Variants in TRAT1 observed in about 807,000 individuals in gnomAD.
The protein encoded by TRAT1 is T cell receptor associated transmembrane adaptor 1, also known as T-cell receptor-associated transmembrane adapter 1.
Under a neutral mutation model 20.0 loss-of-function variants are expected in TRAT1, and 20 were observed. That is an observed-to-expected ratio of 1.00 (90% CI 0.70 to 1.45). TRAT1 has a LOEUF of 1.45. Among genes scored for constraint, TRAT1 ranks in the 40% most tolerant of loss-of-function variants. The pLI, the probability that TRAT1 is intolerant of heterozygous loss-of-function variation, is 0.00. For missense variants in TRAT1, 237 were observed against 224.1 expected (o/e 1.06, Z -0.37); for synonymous variants, 77 against 74.2 (o/e 1.04, Z -0.20).
chr3:108,827,182 A>G (rs971382010), intron 1 of TRAT1, among the ~76,000 whole-genome samples: 1 of 152,126 alleles, frequency 6.6e-6, no homozygotes, highest in Non-Finnish European at 1.5e-5. Context: ...AAATTGATCA[A>G]AGCTATATAA....
At chr3:108,838,989 G>T in intron 3 of TRAT1, 22 bp downstream of exon 3, 1 of 1,577,592 alleles carries the variant, frequency 6.3e-7, no homozygotes, top group South Asian at 1.1e-5. Flanking sequence ...TTCAGTCATG[G>T]ATCATGATTC....
rs115925622 is a variant in TRAT1, at chr3:108,845,774, G to A, written c.153-1294G>A. On this transcript the variant is annotated intron_variant, in intron 3 of 5. Coordinates refer to ENST00000295756, the MANE Select transcript of TRAT1 (RefSeq NM_016388.4). ...ATGTAATCTCAAAGTTAAAGCAGTC[G>A]GTACTATTTTATGAAATGCGACTCT... 9.2e-3 allele frequency among the ~76,000 whole-genome samples: 1,398 copies of A among 151,674 alleles called. 24 individuals are homozygous for A. The highest frequency in any genetic ancestry group is 0.031 in the African/African-American group (1,294 of 41,326).
At chr3:108,839,851 T>A (rs939442648) in intron 3 of TRAT1, among the ~76,000 whole-genome samples, 131 of 152,018 alleles carry the variant, frequency 8.6e-4, no homozygotes, top group African/African-American at 1.4e-3. Flanking sequence ...TACATTTTTT[T>A]AAAAAAAATA....
At position 108,833,580 on chromosome 3, in the gene TRAT1, C is replaced by T. The variant is rs182842086; in HGVS notation, c.118+2800C>T. 4.5e-3 allele frequency among the ~76,000 whole-genome samples: 692 copies of T among 152,202 alleles called. 25 individuals carry two copies. Among genetic ancestry groups the T allele is most frequent in the Admixed American group, 0.042 (637 of 15,274 alleles). On this transcript the variant is annotated intron_variant, in intron 2 of 5. Coordinates refer to ENST00000295756, the MANE Select transcript of TRAT1 (RefSeq NM_016388.4). ...AGAACATTTTTAAGAAAACAGTGAA[C>T]AATAAATTGCATTTATTGATGTATT...
At chr3:108,839,246 A>C in intron 3 of TRAT1, 1 of 412,484 alleles carries the variant, frequency 2.4e-6, no homozygotes, top group Non-Finnish European at 4.3e-6. Context: ...TCAGAGGTAG[A>C]TAGCCTAGAT....
intron 1 of TRAT1, among the ~76,000 whole-genome samples, chr3:108,824,255 TC>T (rs1945717639): frequency 6.6e-6 from 1 of 152,220 alleles, no homozygotes; most frequent in Non-Finnish European, 1.5e-5. Context: ...GGTTATTTTT[TC>T]AGAAAACTTT....
At chr3:108,823,132 G>T (rs965125369) in intron 1 of TRAT1, among the ~76,000 whole-genome samples, 198 bp downstream of exon 1, 14 of 152,130 alleles carry the variant, frequency 9.2e-5, no homozygotes, top group African/African-American at 3.4e-4. Flanking sequence ...GAAAAATGTG[G>T]ACAGCATTTT....
intron 3 of TRAT1, 190 bp downstream of exon 3, chr3:108,839,157 C>T (rs1019483393): frequency 1.8e-5 from 10 of 550,340 alleles, no homozygotes; most frequent in Admixed American, 3.5e-5. Context: ...TAGTTATTTG[C>T]ACACTGTGAG....
rs1295097487 is a variant in TRAT1 at position 108,853,933 on chromosome 3, A to G, written c.*56A>G. The G allele has an allele frequency of 3.2e-6, 5 of 1,554,994 alleles. No individual in the cohort carries two copies. In the African/African-American group the frequency reaches 6.8e-5, roughly 21 times the overall value. ...TCCTATTGAAGATGGCTTCTAAGAA[A>G]ACAAGATGCACAGAGGACACAGAAG... On this transcript the variant is annotated 3_prime_UTR_variant, in exon 6 of 6. Coordinates refer to ENST00000295756, the MANE Select transcript of TRAT1 (RefSeq NM_016388.4).
chr3:108,839,596 A>C (rs2107511627), intron 3 of TRAT1, among the ~76,000 whole-genome samples: 1 of 152,034 alleles, frequency 6.6e-6, no homozygotes, highest in East Asian at 1.9e-4. Flanking sequence ...CAGTGAGCCA[A>C]GATGGCACCA....
chr3:108,835,805 T>TC (rs1338322091), intron 2 of TRAT1, among the ~76,000 whole-genome samples: 3 of 152,174 alleles, frequency 2.0e-5, no homozygotes. Context: ...ATTTCCTTTT[T>TC]CCCACACAGT....
chr3:108,833,131 C>T (rs1396935120), intron 2 of TRAT1, among the ~76,000 whole-genome samples: 1 of 152,010 alleles, frequency 6.6e-6, no homozygotes, highest in Non-Finnish European at 1.5e-5. Flanking sequence ...TAAAAAGCAT[C>T]GTGTTTGGTA....
At chr3:108,848,195 C>A (rs923022862) in intron 4 of TRAT1, among the ~76,000 whole-genome samples, 1 of 152,140 alleles carries the variant, frequency 6.6e-6, no homozygotes, top group Non-Finnish European at 1.5e-5. Flanking sequence ...GCCGCTTGCA[C>A]ACATTCTGAT....
At chr3:108,834,250 A>T (rs138997850) in intron 2 of TRAT1, among the ~76,000 whole-genome samples, 1 of 152,230 alleles carries the variant, frequency 6.6e-6, no homozygotes, top group Non-Finnish European at 1.5e-5. Flanking sequence ...GCAGTAATGT[A>T]CCCTCATTAG....
intron 5 of TRAT1, among the ~76,000 whole-genome samples, chr3:108,850,978 T>C (rs1457421927): frequency 6.6e-6 from 1 of 152,250 alleles, no homozygotes; most frequent in Non-Finnish European, 1.5e-5. Flanking sequence ...CTTTTGTAAA[T>C]TGTGTATTTA....
At chr3:108,850,050 A>C (rs1357408156) in intron 5 of TRAT1, among the ~76,000 whole-genome samples, 1 of 152,158 alleles carries the variant, frequency 6.6e-6, no homozygotes, top group Non-Finnish European at 1.5e-5. Context: ...GTCTTGTACT[A>C]TGTGCTTTAT....
At position 108,849,355 on chromosome 3, in the gene TRAT1, A is replaced by C; in HGVS notation, c.303+101A>C. ...ATAGCCTGTTAGAAATTTTGCAATC[A>C]ATCAGATGTCAAGTTCTGGGACCTG... On this transcript the variant is annotated intron_variant, in intron 5 of 5. Transcript: ENST00000295756. 3 of 957,438 alleles carry C rather than the reference A, an allele frequency of 3.1e-6. No individual in the cohort carries two copies. In the South Asian group the frequency reaches 4.9e-5, roughly 16 times the overall value. 59.3% of individuals were successfully genotyped at this position (957,438 alleles called of 1,614,324 possible).
chr3:108,833,682 T>C (rs1945814538), intron 2 of TRAT1, among the ~76,000 whole-genome samples: 1 of 152,182 alleles, frequency 6.6e-6, no homozygotes, highest in Non-Finnish European at 1.5e-5. Context: ...ATTAGAACTC[T>C]GCCTTCAATA....
rs1382095448 is a variant in TRAT1 at position 108,847,130 on chromosome 3, G to T, written c.214+1G>T. On this transcript the variant is annotated splice_donor_variant, in intron 4 of 5. Coordinates refer to ENST00000295756, the MANE Select transcript of TRAT1 (RefSeq NM_016388.4). LOFTEE classifies it high-confidence loss of function. ...GGTAACTTAGATGATATGATTTCAG[G>T]TAAGTTTTCCATAAGTTAAATTTAT... is the stretch of plus-strand genomic sequence containing the variant. The T allele has an allele frequency of 1.3e-6, 2 of 1,525,440 alleles. No homozygotes were observed. Among genetic ancestry groups the T allele is most frequent in the South Asian group, 1.2e-5 (1 of 84,496 alleles). 94.5% of individuals were successfully genotyped at this position (1,525,440 alleles called of 1,614,324 possible). A position where few individuals can be genotyped will look rare whatever the true frequency, so the allele number is the denominator to read the frequency against.
Sources: gnomAD v4.1 joint callset for allele counts (sites outside exome capture counted in the v4.1 genomes callset) on GRCh38, gnomAD v4.1.1 for gene constraint, MANE v1.5 for transcripts, NCBI Gene and HGNC (gene_info 2026-07-23, HGNC 2026-07-21) for gene names.